SLC35F1: variants seen among roughly 807,000 people sequenced by gnomAD.
SLC35F1 encodes solute carrier family 35 member F1, also known as chromosome 6 open reading frame 169.
In SLC35F1, 14 loss-of-function variants were observed where a neutral mutation model predicts 48.7. That is an observed-to-expected ratio of 0.29 (90% confidence interval 0.19 to 0.45). The LOEUF (loss-of-function observed/expected upper bound fraction) is 0.45, where lower values mean the gene tolerates loss of function less well. Among genes scored for constraint, SLC35F1 ranks in the 20% least tolerant of loss-of-function variants. The probability of loss-of-function intolerance (pLI) is 1.00; values close to 1 mark genes in which losing one functional copy is unlikely to be tolerated. For synonymous variants in SLC35F1, 190 were observed against 202.2 expected (o/e 0.94, Z 0.51); for missense variants, 404 against 500.0 (o/e 0.81, Z 1.83).
At chr6:118,313,337 G>A (rs1776392687) in intron 7 of SLC35F1, among the ~76,000 whole-genome samples, 1 of 152,154 alleles carries the variant, frequency 6.6e-6, no homozygotes, top group Non-Finnish European at 1.5e-5. Flanking sequence ...GTGTAAACCA[G>A]TATTTTCTCT....
intron 3 of SLC35F1, among the ~76,000 whole-genome samples, chr6:118,248,027 G>A (rs1041901407): frequency 2.0e-5 from 3 of 152,212 alleles, no homozygotes; most frequent in Non-Finnish European, 4.4e-5. Flanking sequence ...ATTCCAATGA[G>A]TGCTCAGAGG....
Position 117,907,461 on chromosome 6 carries a change from C to A in SLC35F1, c.-266C>A, listed in dbSNP as rs1335027972. The stretch of plus-strand genomic sequence containing the variant: ...CGCGGGGCGGGCCAGGACTTGGGGA[C>A]GCGGCTCGGGAAGAGCCGGGGCGGG... On this transcript the variant is annotated 5_prime_UTR_variant, in exon 1 of 8. Coordinates refer to ENST00000360388, the MANE Select transcript of SLC35F1 (RefSeq NM_001029858.4). 1.2e-5 allele frequency: 3 copies of A among 245,498 alleles called. No homozygotes were observed. Among genetic ancestry groups the A allele is most frequent in the East Asian group, 1.7e-4 (2 of 11,716 alleles). The allele number at this position is 245,498 out of a possible 1,614,324, so 15.2% of individuals were successfully genotyped here. A position where few individuals can be genotyped will look rare whatever the true frequency, so the allele number is the denominator to read the frequency against.
At chr6:117,967,595 T>A (rs79936581) in intron 1 of SLC35F1, among the ~76,000 whole-genome samples, 8 of 152,358 alleles carry the variant, frequency 5.3e-5, no homozygotes, top group African/African-American at 1.9e-4. Flanking sequence ...CTGTTTACTC[T>A]TGTTTCTAAA....
At chr6:118,243,475 C>T (rs150576146) in intron 3 of SLC35F1, among the ~76,000 whole-genome samples, 2 of 152,274 alleles carry the variant, frequency 1.3e-5, no homozygotes, top group Non-Finnish European at 2.9e-5. Flanking sequence ...TAGCTAAATG[C>T]TAGGGATACA....
chr6:117,923,638 C>CATATGTACATATGTATATATACAT (rs1775942638), intron 1 of SLC35F1, among the ~76,000 whole-genome samples: 4 of 50,946 alleles, frequency 7.9e-5, no homozygotes, highest in Non-Finnish European at 1.2e-4. Context: ...CATATATGTA[C>CATATGTACATATGTATATATACAT]ATATGTACAT....
At chr6:118,200,539 A>G (rs1038143461) in intron 2 of SLC35F1, among the ~76,000 whole-genome samples, 2 of 152,204 alleles carry the variant, frequency 1.3e-5, no homozygotes, top group Non-Finnish European at 2.9e-5. Flanking sequence ...GTTAAGTAAT[A>G]AAAGCCGTAA....
chr6:117,918,514 C>T (rs1326748504), intron 1 of SLC35F1, among the ~76,000 whole-genome samples: 1 of 152,104 alleles, frequency 6.6e-6, no homozygotes, highest in Non-Finnish European at 1.5e-5. Flanking sequence ...TCTCTGTGAA[C>T]TCTGAGGCAA....
chr6:118,114,786 T>C (rs1773455129), intron 1 of SLC35F1, among the ~76,000 whole-genome samples: 1 of 152,226 alleles, frequency 6.6e-6, no homozygotes, highest in Non-Finnish European at 1.5e-5. Flanking sequence ...TGGTTCTGCA[T>C]TGATATAAAA....
intron 7 of SLC35F1, among the ~76,000 whole-genome samples, chr6:118,305,560 T>C (rs934428080): frequency 6.6e-6 from 1 of 152,166 alleles, no homozygotes; most frequent in Non-Finnish European, 1.5e-5. Flanking sequence ...TAACATGATA[T>C]GACTATCCTG....
rs6902646 is a variant in SLC35F1, at chr6:118,102,603, G to A, written c.174-51842G>A. On this transcript the variant is annotated intron_variant, in intron 1 of 7. Transcript: ENST00000360388. The stretch of plus-strand genomic sequence containing the variant: ...TGTGGATGCTAAGTGACAGTTTCAC[G>A]TTGTGGCACAGCAGCTTTTGCTCTG... Among the ~76,000 whole-genome samples the A allele has an allele frequency of 7.7e-3, 1,170 of 152,310 alleles. 14 individuals carry two copies. Among genetic ancestry groups the A allele is most frequent in the African/African-American group, 0.027 (1,106 of 41,554 alleles).
rs199791149 is a variant in SLC35F1, at chr6:118,263,523, T to C, written c.478-3472T>C. ...CACTTTTCCATTAAAGTATTTTTAATGTCCTTGGAGATTTTTCAGAGCATA... is the reference window on the plus strand; with the variant it reads ...CACTTTTCCATTAAAGTATTTTTAACGTCCTTGGAGATTTTTCAGAGCATA... On this transcript the variant is annotated intron_variant, in intron 3 of 7. Coordinates refer to ENST00000360388, the MANE Select transcript of SLC35F1 (RefSeq NM_001029858.4). Among the ~76,000 whole-genome samples, 7 of 152,354 alleles carry C rather than the reference T, an allele frequency of 4.6e-5. No individual in the cohort carries two copies. In the East Asian group the frequency reaches 1.2e-3, roughly 25 times the overall value.
At chr6:118,051,029 T>C (rs896846151) in intron 1 of SLC35F1, among the ~76,000 whole-genome samples, 8 of 152,122 alleles carry the variant, frequency 5.3e-5, no homozygotes, top group Non-Finnish European at 1.0e-4. Flanking sequence ...AATAAAGATA[T>C]ACAAAAATTG....
chr6:118,112,211 C>T (rs1773417797), intron 1 of SLC35F1, among the ~76,000 whole-genome samples: 2 of 151,822 alleles, frequency 1.3e-5, no homozygotes, highest in African/African-American at 4.8e-5. Flanking sequence ...TCACTGAAAC[C>T]TCCACCTCCC....
At chr6:118,088,691 G>A (rs1562286157) in intron 1 of SLC35F1, among the ~76,000 whole-genome samples, 1 of 152,156 alleles carries the variant, frequency 6.6e-6, no homozygotes, top group Non-Finnish European at 1.5e-5. Context: ...ACTGTGTTTG[G>A]TTGTGCAAGT....
At position 118,313,393 on chromosome 6, in the gene SLC35F1, A is replaced by G. The variant is rs553683130; in HGVS notation, c.1003-635A>G. ...TGAATTGTCAAGCAAGTAGATTAGG[A>G]AGCAGAATGTTGTATATACAGTCCT... On this transcript the variant is annotated intron_variant, in intron 7 of 7. Transcript: ENST00000360388. Among the ~76,000 whole-genome samples, 3 of 152,322 alleles carry G rather than the reference A, an allele frequency of 2.0e-5. No individual in the cohort carries two copies. The East Asian group carries it at 5.8e-4, about 29-fold the overall frequency.
intron 1 of SLC35F1, among the ~76,000 whole-genome samples, chr6:118,031,406 A>G (rs1471962772): frequency 7.9e-5 from 12 of 152,220 alleles, no homozygotes; most frequent in South Asian, 4.1e-4. Flanking sequence ...AGGAGATTCC[A>G]GATTCTCATT....
intron 1 of SLC35F1, among the ~76,000 whole-genome samples, chr6:117,935,337 G>A (rs1044078549): frequency 8.5e-5 from 13 of 152,136 alleles, no homozygotes; most frequent in Admixed American, 7.9e-4. Flanking sequence ...TAGTAAGTAA[G>A]CAAATACTGA....
intron 1 of SLC35F1, among the ~76,000 whole-genome samples, chr6:118,037,104 T>C (rs1772145272): frequency 6.6e-6 from 1 of 152,222 alleles, no homozygotes; most frequent in Admixed American, 6.5e-5. Flanking sequence ...TTTTATCTGA[T>C]ATTAATATAG....
At chr6:118,284,565 G>A (rs1203232762) in intron 6 of SLC35F1, among the ~76,000 whole-genome samples, 1 of 152,126 alleles carries the variant, frequency 6.6e-6, no homozygotes, top group East Asian at 1.9e-4. Context: ...TGTGATGGAA[G>A]GGCAGGATTC....
Sources: gnomAD v4.1 joint callset for allele counts (sites outside exome capture counted in the v4.1 genomes callset) on GRCh38, gnomAD v4.1.1 for gene constraint, MANE v1.5 for transcripts, NCBI Gene and HGNC (gene_info 2026-07-23, HGNC 2026-07-21) for gene names.